HDAC9: variants seen among roughly 807,000 people sequenced by gnomAD.
The protein encoded by HDAC9 is MEF-2 interacting transcription repressor (MITR) protein.
Under a neutral mutation model 139.4 loss-of-function variants are expected in HDAC9, and 41 were observed. The ratio of observed to expected loss-of-function variants is 0.29; its 90% confidence interval spans 0.23 to 0.38. The LOEUF is 0.38. Ranked by LOEUF, HDAC9 falls within the 10% of genes least tolerant of loss-of-function variation. The pLI, the probability that HDAC9 is intolerant of heterozygous loss-of-function variation, is 1.00. For synonymous variants in HDAC9, 517 were observed against 476.2 expected, an observed-to-expected ratio of 1.09 and a Z score of -1.12; for missense variants, 1,147 against 1,297.0, an observed-to-expected ratio of 0.88 and a Z score of 1.78.
chr7:18,144,145 G>C (rs905833417), intron 1 of HDAC9, among the ~76,000 whole-genome samples: 1 of 152,030 alleles, frequency 6.6e-6, no homozygotes. Context: ...AACATTTTCT[G>C]ATTATGAATA....
chr7:18,259,008 C>T (rs535365393), intron 2 of HDAC9, among the ~76,000 whole-genome samples: 3 of 121,832 alleles, frequency 2.5e-5, no homozygotes, highest in South Asian at 2.7e-4. Flanking sequence ...CTCACTCTGT[C>T]GTCCAGGCTG....
At chr7:18,184,427 C>T (rs188348554) in intron 2 of HDAC9, among the ~76,000 whole-genome samples, 1 of 152,160 alleles carries the variant, frequency 6.6e-6, no homozygotes, top group African/African-American at 2.4e-5. Flanking sequence ...AAATAATGAG[C>T]TATCTTGGGG....
intron 1 of HDAC9, among the ~76,000 whole-genome samples, chr7:18,114,372 C>T (rs1218986428): frequency 6.6e-6 from 1 of 152,182 alleles, no homozygotes; most frequent in African/African-American, 2.4e-5. Context: ...TGGGAGACAG[C>T]AAAGGAGAAA....
intron 1 of HDAC9, among the ~76,000 whole-genome samples, chr7:18,110,909 G>A (rs1441853697): frequency 6.6e-6 from 1 of 152,178 alleles, no homozygotes; most frequent in African/African-American, 2.4e-5. Context: ...CTTTCACATG[G>A]GGAAGAGTTT....
chr7:18,325,766 T>C (rs967834576), intron 1 of HDAC9, among the ~76,000 whole-genome samples: 3 of 152,156 alleles, frequency 2.0e-5, no homozygotes, highest in Admixed American at 1.3e-4. Context: ...ATGATTATAA[T>C]ATCATGTTTT....
chr7:18,494,007 A>G (rs1796561838), upstream of HDAC9, among the ~76,000 whole-genome samples: 1 of 152,028 alleles, frequency 6.6e-6, no homozygotes, highest in Non-Finnish European at 1.5e-5. Flanking sequence ...TCCTTAAGGA[A>G]AATTATTAGG....
intron 22 of HDAC9, among the ~76,000 whole-genome samples, chr7:18,927,979 A>G (rs777157979): frequency 6.6e-6 from 1 of 152,216 alleles, no homozygotes; most frequent in Non-Finnish European, 1.5e-5. Flanking sequence ...ACGTCAACAA[A>G]TGTTTAAGTA....
chr7:18,753,582 AC>A (rs1160379321), intron 14 of HDAC9, among the ~76,000 whole-genome samples: 3 of 152,154 alleles, frequency 2.0e-5, no homozygotes, highest in Non-Finnish European at 4.4e-5. Context: ...ATAAAAAAAT[AC>A]ATAATAGAAG....
chr7:18,913,203 A>C (rs2190274), intron 22 of HDAC9, among the ~76,000 whole-genome samples: 133,667 of 152,062 alleles, frequency 0.88, 58,818 homozygotes, highest in Admixed American at 0.92. Context: ...TTATCCAAAT[A>C]TCTTCCACAT....
At chr7:18,132,205 CTT>C (rs1175686727) in intron 1 of HDAC9, among the ~76,000 whole-genome samples, 1 of 152,096 alleles carries the variant, frequency 6.6e-6, no homozygotes, top group Admixed American at 6.6e-5. Flanking sequence ...TGTTATTTCT[CTT>C]TTCTTCAGAC....
intron 1 of HDAC9, among the ~76,000 whole-genome samples, chr7:18,105,126 G>T: frequency 1.2e-5 from 1 of 86,106 alleles, no homozygotes; most frequent in Non-Finnish European, 2.8e-5. Flanking sequence ...ATGCTTTCTA[G>T]ATGGGGATTT....
At chr7:18,527,244 A>T (rs1807248553) in intron 2 of HDAC9, among the ~76,000 whole-genome samples, 1 of 152,128 alleles carries the variant, frequency 6.6e-6, no homozygotes, top group African/African-American at 2.4e-5. Context: ...CCTGATACTA[A>T]TTTTTGAGAA....
intron 13 of HDAC9, among the ~76,000 whole-genome samples, chr7:18,743,081 T>G (rs1396648479): frequency 6.6e-6 from 1 of 152,346 alleles, no homozygotes; most frequent in South Asian, 2.1e-4. Context: ...CGGCCCTGTT[T>G]TTTTTTCTCA....
chr7:18,476,868 T>A (rs191806788), intron 1 of HDAC9, among the ~76,000 whole-genome samples: 1 of 152,340 alleles, frequency 6.6e-6, no homozygotes, highest in East Asian at 1.9e-4. Context: ...TGCAGTTAGC[T>A]AAACCCTTTC....
chr7:18,473,642 C>T (rs1036868539), intron 1 of HDAC9, among the ~76,000 whole-genome samples: 3 of 152,274 alleles, frequency 2.0e-5, no homozygotes, highest in Non-Finnish European at 2.9e-5. Context: ...AAACATACAT[C>T]GAGTGGTCTT....
chr7:18,864,940 T>A (rs757796390), intron 21 of HDAC9, among the ~76,000 whole-genome samples: 1 of 152,172 alleles, frequency 6.6e-6, no homozygotes, highest in Non-Finnish European at 1.5e-5. Context: ...TTTACCACAA[T>A]AAAACTTTTA....
At chr7:18,849,069 A>G (rs1177201788) in intron 21 of HDAC9, among the ~76,000 whole-genome samples, 1 of 152,226 alleles carries the variant, frequency 6.6e-6, no homozygotes, top group Non-Finnish European at 1.5e-5. Flanking sequence ...AGATATAAGT[A>G]GCAAACTTAG....
At chr7:18,636,223 C>T (rs979344990) in intron 8 of HDAC9, among the ~76,000 whole-genome samples, 11 of 152,064 alleles carry the variant, frequency 7.2e-5, no homozygotes, top group Admixed American at 7.2e-4. Flanking sequence ...TAAGCTGACA[C>T]CCCAGAGGCC....
chr7:18,428,283 A>G (rs983016307), intron 1 of HDAC9, among the ~76,000 whole-genome samples: 11 of 152,184 alleles, frequency 7.2e-5, no homozygotes, highest in African/African-American at 2.7e-4. Context: ...ACAGTGTGCA[A>G]CAAACTGAAA....
Sources: gnomAD v4.1 joint callset for allele counts (sites outside exome capture counted in the v4.1 genomes callset) on GRCh38, gnomAD v4.1.1 for gene constraint, MANE v1.5 for transcripts, NCBI Gene and HGNC (gene_info 2026-07-23, HGNC 2026-07-21) for gene names.